The following HCN1 variants were observed in gnomAD, a reference collection of about 807,000 sequenced individuals.
HCN1 encodes hyperpolarization activated cyclic nucleotide gated potassium channel 1, also known as potassium/sodium hyperpolarization-activated cyclic nucleotide-gated channel 1.
A neutral mutation model predicts 78.9 loss-of-function variants in HCN1; 13 were observed. The observed-to-expected ratio is 0.16, with a 90% CI of 0.11 to 0.26. The LOEUF (loss-of-function observed/expected upper bound fraction) is 0.26, where lower values mean the gene tolerates loss of function less well. Among genes scored for constraint, HCN1 ranks in the 10% least tolerant of loss-of-function variants. The pLI is 1.00. For synonymous variants in HCN1, 552 were observed against 455.5 expected (o/e 1.21, Z -2.70); for missense variants, 810 against 1,154.3 (o/e 0.70, Z 4.32).
chr5:45,540,837 A>T (rs927115244), intron 2 of HCN1, among the ~76,000 whole-genome samples: 2 of 152,196 alleles, frequency 1.3e-5, no homozygotes, highest in Non-Finnish European at 2.9e-5. Flanking sequence ...GATGAAAATA[A>T]GTCACTGTGT....
Position 45,645,212 on chromosome 5 carries a change from T to C in HCN1, c.822A>G (p.Leu274=). 1 of 1,613,200 alleles carries C rather than the reference T, an allele frequency of 6.2e-7. No individual in the cohort carries two copies. The highest frequency in any genetic ancestry group is 8.5e-7 in the Non-Finnish European group (1 of 1,179,528). The change falls in exon 2 of 8, where the codon TTA becomes TTG. Residue 274 remains leucine, a synonymous_variant. Coordinates refer to ENST00000303230, the MANE Select transcript of HCN1 (RefSeq NM_021072.4). ...SLLRLLRLSR[L]IRYIHQWEEI... ...CTTCCCATTGATGTATGTATCTAAT[T>C]AACCTTGAAAGTCGTAATAAACGCA... is the stretch of plus-strand genomic sequence containing the variant.
rs748302163 is a variant in HCN1 at position 45,442,618 on chromosome 5, T to A, written c.1011+19228A>T. On this transcript the variant is annotated intron_variant, in intron 3 of 7. Transcript: ENST00000303230. Reference sequence around the variant, plus strand: ...GGTAGTTACCATATATAAAATATAATGGCATTTACAATAAAAAACATCTGA... The same window carrying A: ...GGTAGTTACCATATATAAAATATAAAGGCATTTACAATAAAAAACATCTGA... 5.7e-3 allele frequency among the ~76,000 whole-genome samples: 866 copies of A among 152,108 alleles called. 7 individuals carry two copies. The highest frequency in any genetic ancestry group is 8.1e-3 in the Non-Finnish European group (552 of 67,920).
intron 2 of HCN1, among the ~76,000 whole-genome samples, chr5:45,539,187 A>T (rs963308841): frequency 6.6e-6 from 1 of 152,162 alleles, no homozygotes; most frequent in Admixed American, 6.5e-5. Context: ...GACTTATTTT[A>T]TGTATTAAAT....
intron 5 of HCN1, among the ~76,000 whole-genome samples, chr5:45,345,104 C>T (rs764799927): frequency 6.6e-6 from 1 of 152,200 alleles, no homozygotes; most frequent in Non-Finnish European, 1.5e-5. Flanking sequence ...ACAGGCTCAA[C>T]ATCATGTGGA....
At chr5:45,611,740 GT>G (rs745737447) in intron 2 of HCN1, among the ~76,000 whole-genome samples, 67 of 152,134 alleles carry the variant, frequency 4.4e-4, no homozygotes, top group Admixed American at 1.6e-3. Flanking sequence ...TCAGTTAACT[GT>G]TTTGTAGGCT....
intron 2 of HCN1, among the ~76,000 whole-genome samples, chr5:45,536,558 TA>T (rs1324988983): frequency 6.6e-6 from 1 of 152,186 alleles, no homozygotes; most frequent in Non-Finnish European, 1.5e-5. Flanking sequence ...TTGTTGAGAT[TA>T]AATTCTGTGT....
intron 2 of HCN1, among the ~76,000 whole-genome samples, chr5:45,615,159 G>A (rs1170166556): frequency 6.6e-6 from 1 of 151,934 alleles, no homozygotes; most frequent in Non-Finnish European, 1.5e-5. Flanking sequence ...ACAATGAGTA[G>A]TCAAGTATTT....
chr5:45,690,678 T>C (rs867237585), intron 1 of HCN1, among the ~76,000 whole-genome samples: 2 of 152,100 alleles, frequency 1.3e-5, no homozygotes, highest in Admixed American at 6.6e-5. Flanking sequence ...ATAATTTTCA[T>C]AGTGCATGCA....
intron 2 of HCN1, among the ~76,000 whole-genome samples, chr5:45,475,252 A>G (rs1223098760): frequency 1.3e-5 from 2 of 151,932 alleles, no homozygotes; most frequent in Non-Finnish European, 2.9e-5. Flanking sequence ...TTACTGGAGG[A>G]ACTTGGTTTC....
chr5:45,343,922 G>A (rs1413550739), intron 5 of HCN1, among the ~76,000 whole-genome samples: 1 of 151,986 alleles, frequency 6.6e-6, no homozygotes, highest in African/African-American at 2.4e-5. Context: ...AGCATAAAAA[G>A]TGGTCCCAGC....
intron 4 of HCN1, among the ~76,000 whole-genome samples, chr5:45,385,401 T>G (rs1480283230): frequency 6.6e-6 from 1 of 152,132 alleles, no homozygotes; most frequent in Non-Finnish European, 1.5e-5. Context: ...TTTAATTTCT[T>G]AAATTTGTGT....
intron 2 of HCN1, among the ~76,000 whole-genome samples, chr5:45,534,668 C>CA (rs143602337): frequency 0.11 from 15,585 of 145,380 alleles, 1,082 homozygotes; most frequent in Middle Eastern, 0.21. Flanking sequence ...GATTCTAAGC[C>CA]AAAAAAAAAA....
intron 4 of HCN1, among the ~76,000 whole-genome samples, chr5:45,386,510 C>A (rs771335879): frequency 1.3e-5 from 2 of 152,046 alleles, no homozygotes; most frequent in African/African-American, 4.8e-5. Context: ...GTCCTTTCTG[C>A]GCATCTACTT....
intron 6 of HCN1, among the ~76,000 whole-genome samples, chr5:45,299,509 C>T (rs1202272351): frequency 6.6e-6 from 1 of 151,806 alleles, no homozygotes; most frequent in Non-Finnish European, 1.5e-5. Flanking sequence ...TTCAACTCCA[C>T]TCAATTATAT....
At chr5:45,275,352 T>C (rs1415357954) in intron 6 of HCN1, among the ~76,000 whole-genome samples, 1 of 152,042 alleles carries the variant, frequency 6.6e-6, no homozygotes, top group Non-Finnish European at 1.5e-5. Flanking sequence ...TTGAATACAA[T>C]ATACCAAATA....
At chr5:45,332,134 T>G (rs1746357479) in intron 5 of HCN1, among the ~76,000 whole-genome samples, 2 of 150,300 alleles carry the variant, frequency 1.3e-5, no homozygotes, top group South Asian at 4.2e-4. Context: ...AGAGCCTGGA[T>G]GCTAAATAGA....
intron 3 of HCN1, among the ~76,000 whole-genome samples, chr5:45,456,939 C>T (rs1741039726): frequency 6.6e-6 from 1 of 151,932 alleles, no homozygotes; most frequent in Admixed American, 6.6e-5. Flanking sequence ...GATGTAACTC[C>T]TCATGACACA....
chr5:45,393,039 G>T (rs1298867049), intron 4 of HCN1, among the ~76,000 whole-genome samples: 1 of 152,082 alleles, frequency 6.6e-6, no homozygotes, highest in African/African-American at 2.4e-5. Context: ...ACCTGCCCTG[G>T]AATTATGCAG....
intron 2 of HCN1, among the ~76,000 whole-genome samples, chr5:45,621,894 GT>G (rs932883408): frequency 3.5e-4 from 54 of 152,230 alleles, no homozygotes; most frequent in African/African-American, 1.3e-3. Context: ...AAAAAAAATT[GT>G]TTTACTTATC....
Sources: allele counts gnomAD v4.1 joint callset (sites outside exome capture counted in the v4.1 genomes callset), GRCh38; gene constraint gnomAD v4.1.1; transcripts MANE v1.5; gene names NCBI Gene and HGNC (gene_info 2026-07-23, HGNC 2026-07-21).